CDH2: variants seen among roughly 807,000 people sequenced by gnomAD.
CDH2 encodes the protein cadherin-2.
Under a neutral mutation model 92.0 loss-of-function variants are expected in CDH2, and 17 were observed. The ratio of observed to expected loss-of-function variants is 0.18; its 90% CI spans 0.13 to 0.28. CDH2 has a LOEUF of 0.28. CDH2 is among the 10% of genes least tolerant of loss of function. CDH2 has a pLI of 1.00. For synonymous variants in CDH2, 419 were observed against 415.9 expected (o/e 1.01, Z -0.09); for missense variants, 862 against 1,133.1 (o/e 0.76, Z 3.44).
intron 2 of CDH2, among the ~76,000 whole-genome samples, chr18:28,050,960 A>T (rs891777095): frequency 1.3e-5 from 2 of 152,230 alleles, no homozygotes; most frequent in East Asian, 1.9e-4. Flanking sequence ...TTTTATTTTT[A>T]AAAATATGTA....
intron 1 of CDH2, among the ~76,000 whole-genome samples, chr18:28,167,554 G>A (rs575384374): frequency 2.6e-5 from 4 of 152,132 alleles, no homozygotes; most frequent in African/African-American, 9.6e-5. Flanking sequence ...GTTTCACAAA[G>A]TATAAATGAG....
intron 6 of CDH2, among the ~76,000 whole-genome samples, chr18:27,939,752 C>T (rs1909094360): frequency 6.6e-6 from 1 of 152,116 alleles, no homozygotes; most frequent in Non-Finnish European, 1.5e-5. Context: ...GGCTAAGTTA[C>T]CAAAGTTAAA....
intron 15 of CDH2, among the ~76,000 whole-genome samples, chr18:27,957,512 A>G (rs2011282495): frequency 6.6e-6 from 1 of 151,922 alleles, no homozygotes; most frequent in Non-Finnish European, 1.5e-5. Context: ...TGAGCCTCCC[A>G]AAGTGCTGGG....
chr18:28,128,843 A>G (rs1181115917), intron 2 of CDH2, among the ~76,000 whole-genome samples: 2 of 152,192 alleles, frequency 1.3e-5, no homozygotes, highest in Non-Finnish European at 2.9e-5. Context: ...CAAAAAACAC[A>G]AACAGGATGC....
chr18:28,033,295 G>A (rs1237351810), intron 2 of CDH2, among the ~76,000 whole-genome samples: 2 of 151,968 alleles, frequency 1.3e-5, no homozygotes, highest in East Asian at 1.9e-4. Flanking sequence ...AAATTTGTTC[G>A]GCAAGGTTTT....
intron 11 of CDH2, 31 bp downstream of exon 11, chr18:27,988,493 A>G (rs1338945870): frequency 6.3e-7 from 1 of 1,597,790 alleles, no homozygotes; most frequent in African/African-American, 1.3e-5. Flanking sequence ...ACTGTCTTTC[A>G]TCAACATACA....
chr18:27,980,784 T>C (rs549107405), intron 14 of CDH2, among the ~76,000 whole-genome samples: 1 of 134,310 alleles, frequency 7.4e-6, no homozygotes, highest in South Asian at 2.3e-4. Context: ...TCCAAGAGTT[T>C]GGCTGGGGTC....
At position 28,138,665 on chromosome 18, in the gene CDH2, T is replaced by C. The variant is rs183011846; in HGVS notation, c.172+9008A>G. 4.6e-3 allele frequency among the ~76,000 whole-genome samples: 695 copies of C among 152,220 alleles called. 10 individuals are homozygous for C. The highest frequency in any genetic ancestry group is 0.016 in the African/African-American group (662 of 41,552). Reference sequence around the variant, plus strand: ...TAAGTTCCTACTACAGGGATTTTGCTTGTCTGTTGACCACTATTGCGCAGT... The same window carrying C: ...TAAGTTCCTACTACAGGGATTTTGCCTGTCTGTTGACCACTATTGCGCAGT... On this transcript the variant is annotated intron_variant, in intron 2 of 15. Coordinates refer to ENST00000269141, the MANE Select transcript of CDH2 (RefSeq NM_001792.5).
chr18:28,082,547 AC>A (rs1372647795), intron 2 of CDH2, among the ~76,000 whole-genome samples: 1 of 152,046 alleles, frequency 6.6e-6, no homozygotes, highest in Non-Finnish European at 1.5e-5. Context: ...TTTAATAGGT[AC>A]CCCCCATTCA....
At chr18:28,127,359 C>T (rs2015693914) in intron 2 of CDH2, among the ~76,000 whole-genome samples, 1 of 152,058 alleles carries the variant, frequency 6.6e-6, no homozygotes, top group Non-Finnish European at 1.5e-5. Context: ...TATAAGCTTC[C>T]CCCTAATAAT....
intron 2 of CDH2, among the ~76,000 whole-genome samples, chr18:28,095,206 G>C (rs555274582): frequency 1.3e-5 from 2 of 152,188 alleles, no homozygotes; most frequent in Non-Finnish European, 2.9e-5. Context: ...AGAGTATTCA[G>C]ACATCTAATA....
At position 28,067,239 on chromosome 18, in the gene CDH2, T is replaced by C. The variant is rs374251057; in HGVS notation, c.173-53330A>G. 3.9e-5 allele frequency among the ~76,000 whole-genome samples: 6 copies of C among 152,304 alleles called. No homozygotes were observed. In the East Asian group the frequency reaches 7.7e-4, roughly 20 times the overall value. Reference sequence around the variant, plus strand: ...CAGATAATTCACATATACAATTCACTCATTTAAAGTATATAATTCAATGGC... The same window carrying C: ...CAGATAATTCACATATACAATTCACCCATTTAAAGTATATAATTCAATGGC... On this transcript the variant is annotated intron_variant, in intron 2 of 15. Coordinates refer to ENST00000269141, the MANE Select transcript of CDH2 (RefSeq NM_001792.5).
At chr18:28,115,997 T>C (rs904525754) in intron 2 of CDH2, among the ~76,000 whole-genome samples, 5 of 152,114 alleles carry the variant, frequency 3.3e-5, no homozygotes, top group Non-Finnish European at 7.4e-5. Context: ...AATGAAGTGG[T>C]TCTCAACCAG....
chr18:28,150,244 T>A (rs1426902893), intron 1 of CDH2, among the ~76,000 whole-genome samples: 1 of 152,180 alleles, frequency 6.6e-6, no homozygotes, highest in South Asian at 2.1e-4. Context: ...AGAAACGCCG[T>A]GGCCAGAAGC....
At chr18:28,001,329 T>A (rs1191443076) in intron 7 of CDH2, among the ~76,000 whole-genome samples, 1 of 152,162 alleles carries the variant, frequency 6.6e-6, no homozygotes, top group African/African-American at 2.4e-5. Context: ...CCATAAAACA[T>A]CCAGTCTAAA....
At chr18:27,936,020 G>GA (rs1220824938) in intron 6 of CDH2, among the ~76,000 whole-genome samples, 1 of 152,162 alleles carries the variant, frequency 6.6e-6, no homozygotes, top group Non-Finnish European at 1.5e-5. Flanking sequence ...AATATTGACA[G>GA]AAAATAGATC....
At chr18:28,063,093 T>C (rs2014436170) in intron 2 of CDH2, among the ~76,000 whole-genome samples, 1 of 152,228 alleles carries the variant, frequency 6.6e-6, no homozygotes, top group Admixed American at 6.5e-5. Context: ...TAAGTAGCAC[T>C]GTATGTCCTC....
intron 1 of CDH2, among the ~76,000 whole-genome samples, chr18:28,160,606 C>A (rs1036231796): frequency 2.0e-5 from 3 of 152,126 alleles, no homozygotes; most frequent in Non-Finnish European, 4.4e-5. Flanking sequence ...CTTGAGGCAG[C>A]CGTCTTTGGC....
intron 6 of CDH2, among the ~76,000 whole-genome samples, chr18:27,944,870 T>C (rs1381964287): frequency 1.1e-4 from 16 of 151,512 alleles, no homozygotes; most frequent in Non-Finnish European, 2.9e-5. Context: ...TGAGCTATGA[T>C]CATGCCACCG....
Sources: allele counts gnomAD v4.1 joint callset (sites outside exome capture counted in the v4.1 genomes callset), GRCh38; gene constraint gnomAD v4.1.1; transcripts MANE v1.5; gene names NCBI Gene and HGNC (gene_info 2026-07-23, HGNC 2026-07-21).